Variants in CNTNAP2 observed in about 807,000 individuals in gnomAD.
CNTNAP2 encodes the protein contactin-associated protein-like 2.
A neutral mutation model predicts 155.2 loss-of-function variants in CNTNAP2; 98 were observed. The ratio of observed to expected loss-of-function variants is 0.63; its 90% CI spans 0.54 to 0.75. The LOEUF (loss-of-function observed/expected upper bound fraction) is 0.75. CNTNAP2 is among the 30% of genes least tolerant of loss of function. CNTNAP2 has a pLI of 0.00. For synonymous variants in CNTNAP2, 651 were observed against 631.2 expected (o/e 1.03, Z -0.47); for missense variants, 1,727 against 1,688.1 (o/e 1.02, Z -0.40).
At chr7:148,079,202 G>A (rs893988728) in intron 15 of CNTNAP2, among the ~76,000 whole-genome samples, 2 of 152,274 alleles carry the variant, frequency 1.3e-5, no homozygotes, top group East Asian at 1.9e-4. Flanking sequence ...CAAGGTGGTC[G>A]GGCTACAGCT....
chr7:148,078,088 G>A (rs1803528926), intron 15 of CNTNAP2, among the ~76,000 whole-genome samples: 3 of 151,484 alleles, frequency 2.0e-5, no homozygotes, highest in Admixed American at 2.0e-4. Flanking sequence ...TTTTTAGACA[G>A]AATCTTGCTC....
intron 14 of CNTNAP2, among the ~76,000 whole-genome samples, chr7:147,924,203 G>A (rs1389233869): frequency 2.2e-5 from 3 of 136,386 alleles, no homozygotes; most frequent in Non-Finnish European, 4.5e-5. Flanking sequence ...GCAATGGCAC[G>A]ATCGCAGCTC....
chr7:146,993,065 C>T (rs991435381), intron 3 of CNTNAP2, among the ~76,000 whole-genome samples: 1 of 152,076 alleles, frequency 6.6e-6, no homozygotes, highest in Non-Finnish European at 1.5e-5. Context: ...GGAGGCAGAA[C>T]GCAGGAGAGA....
intron 3 of CNTNAP2, among the ~76,000 whole-genome samples, chr7:146,923,274 A>G (rs1260000894): frequency 2.0e-5 from 3 of 152,208 alleles, no homozygotes; most frequent in Non-Finnish European, 4.4e-5. Context: ...GCTGGTATGC[A>G]TGAAGGTAGC....
chr7:147,203,141 C>A (rs1406020254), intron 8 of CNTNAP2, among the ~76,000 whole-genome samples: 29 of 152,002 alleles, frequency 1.9e-4, no homozygotes, highest in Non-Finnish European at 7.4e-5. Flanking sequence ...ACTTAGTTTG[C>A]AAAATTATTT....
intron 1 of CNTNAP2, among the ~76,000 whole-genome samples, chr7:146,727,077 T>G (rs1563206374): frequency 6.6e-6 from 1 of 152,266 alleles, no homozygotes; most frequent in East Asian, 1.9e-4. Context: ...TATTTTGTAA[T>G]TCTAGTTGAA....
intron 1 of CNTNAP2, among the ~76,000 whole-genome samples, chr7:146,299,730 A>G (rs940418914): frequency 2.6e-5 from 4 of 152,036 alleles, no homozygotes; most frequent in Non-Finnish European, 5.9e-5. Context: ...ATATTCCGCA[A>G]TTATGGAGGG....
At chr7:148,006,185 G>A (rs1165336780) in intron 15 of CNTNAP2, among the ~76,000 whole-genome samples, 1 of 152,130 alleles carries the variant, frequency 6.6e-6, no homozygotes, top group East Asian at 1.9e-4. Context: ...CCAGGTACAG[G>A]GGCAACAGTG....
intron 13 of CNTNAP2, among the ~76,000 whole-genome samples, chr7:147,666,297 G>A (rs868071642): frequency 7.9e-5 from 12 of 152,152 alleles, no homozygotes; most frequent in Admixed American, 2.6e-4. Context: ...CAAGGCACAC[G>A]TGTGACGGTG....
At chr7:147,303,150 A>T (rs372579095) in intron 9 of CNTNAP2, among the ~76,000 whole-genome samples, 95 of 152,310 alleles carry the variant, frequency 6.2e-4, no homozygotes, top group African/African-American at 2.0e-3. Flanking sequence ...TCTTCACACA[A>T]GGCTGGGTGT....
At chr7:146,614,908 G>A (rs947212506) in intron 1 of CNTNAP2, among the ~76,000 whole-genome samples, 6 of 152,052 alleles carry the variant, frequency 3.9e-5, no homozygotes, top group East Asian at 3.9e-4. Context: ...AGTTATCTGC[G>A]TATATCTATC....
intron 3 of CNTNAP2, among the ~76,000 whole-genome samples, chr7:147,041,119 A>G (rs2129254164): frequency 6.6e-6 from 1 of 152,286 alleles, no homozygotes; most frequent in Middle Eastern, 3.4e-3. Flanking sequence ...TTATTTCTTA[A>G]CAACAAGAAC....
At chr7:148,362,686 G>C (rs1259852939) in intron 21 of CNTNAP2, among the ~76,000 whole-genome samples, 1 of 152,170 alleles carries the variant, frequency 6.6e-6, no homozygotes, top group African/African-American at 2.4e-5. Context: ...TCTTAACAGG[G>C]GGACTTACTA....
chr7:147,628,037 T>A (rs1019661363), intron 12 of CNTNAP2, among the ~76,000 whole-genome samples: 1 of 151,812 alleles, frequency 6.6e-6, no homozygotes, highest in African/African-American at 2.4e-5. Flanking sequence ...GAAGAGAAAT[T>A]TAAAAGTTTG....
intron 14 of CNTNAP2, among the ~76,000 whole-genome samples, chr7:147,933,289 T>TTGCCATATGATTTAA (rs1244805107): frequency 6.6e-6 from 1 of 151,988 alleles, no homozygotes; most frequent in Non-Finnish European, 1.5e-5. Context: ...AAAAGTAGAG[T>TTGCCATATGATTTAA]TGCCATATGA....
At chr7:147,740,947 T>A (rs1404739) in intron 13 of CNTNAP2, among the ~76,000 whole-genome samples, 2 of 152,264 alleles carry the variant, frequency 1.3e-5, no homozygotes, top group African/African-American at 4.8e-5. Context: ...TGTCAGAGTT[T>A]TCCCAACTGG....
intron 13 of CNTNAP2, among the ~76,000 whole-genome samples, chr7:147,701,610 G>A (rs950286717): frequency 6.6e-6 from 1 of 152,020 alleles, no homozygotes; most frequent in African/African-American, 2.4e-5. Context: ...ATTGTATTTG[G>A]TTTCTTACTG....
chr7:148,174,584 G>C (rs538055664), intron 18 of CNTNAP2, among the ~76,000 whole-genome samples: 106 of 152,310 alleles, frequency 7.0e-4, no homozygotes, highest in African/African-American at 2.5e-3. Flanking sequence ...TTTGCCAAGT[G>C]AATGAAGCAA....
intron 1 of CNTNAP2, among the ~76,000 whole-genome samples, chr7:146,340,150 T>C (rs1488812896): frequency 3.8e-4 from 44 of 115,122 alleles, no homozygotes; most frequent in African/African-American, 1.5e-3. Context: ...GCCTGGGCGA[T>C]AGAGCGAGAC....
Sources: gnomAD v4.1 joint callset for allele counts (sites outside exome capture counted in the v4.1 genomes callset) on GRCh38, gnomAD v4.1.1 for gene constraint, MANE v1.5 for transcripts, NCBI Gene and HGNC (gene_info 2026-07-23, HGNC 2026-07-21) for gene names.